MTMR14: variants seen among roughly 807,000 people sequenced by gnomAD.
The protein encoded by MTMR14 is phosphatidylinositol-3,5-bisphosphate 3-phosphatase MTMR14.
A neutral mutation model predicts 86.3 loss-of-function variants in MTMR14; 48 were observed. The observed-to-expected ratio is 0.56, with a 90% CI of 0.44 to 0.71. The LOEUF (loss-of-function observed/expected upper bound fraction) is 0.71. MTMR14 is among the 30% of genes least tolerant of loss of function. The pLI is 0.00. For synonymous variants in MTMR14, 366 were observed against 326.1 expected (o/e 1.12, Z -1.32); for missense variants, 780 against 834.6 (o/e 0.93, Z 0.81).
chr3:9,688,022 C>T (rs982801778), intron 14 of MTMR14, 131 bp downstream of exon 14: 1 of 811,370 alleles, frequency 1.2e-6, no homozygotes, highest in African/African-American at 1.7e-5. Context: ...TCCCTCCTGC[C>T]TTCGCTCTGA....
chr3:9,688,792 A>ACATC, intron 15 of MTMR14, 38 bp downstream of exon 15: 2 of 1,613,244 alleles, frequency 1.2e-6, no homozygotes, highest in South Asian at 2.2e-5. Context: ...CTTCCTCCAT[A>ACATC]CATCTTCCCG....
intron 3 of MTMR14, among the ~76,000 whole-genome samples, chr3:9,664,918 CAT>C (rs1273314746): frequency 1.3e-5 from 2 of 152,078 alleles, no homozygotes; most frequent in African/African-American, 2.4e-5. Context: ...TTGTTTGTAA[CAT>C]AGAGGATAAA....
At chr3:9,683,376 TC>T (rs2075834226) in intron 10 of MTMR14, 132 bp downstream of exon 10, 2 of 829,996 alleles carry the variant, frequency 2.4e-6, no homozygotes, top group South Asian at 1.5e-5. Context: ...TTTGGGGAGT[TC>T]CTAGAATCCC....
intron 7 of MTMR14, among the ~76,000 whole-genome samples, chr3:9,676,450 C>T (rs2075580145): frequency 6.6e-6 from 1 of 152,258 alleles, no homozygotes; most frequent in South Asian, 2.1e-4. Context: ...ACGCTGTGGG[C>T]TGGCACTGTG....
chr3:9,701,820 G>A lies in MTMR14; in HGVS notation c.1800G>A (p.Arg600=). The A allele has an allele frequency of 6.2e-7, 1 of 1,613,792 alleles. No homozygotes were observed. The highest frequency in any genetic ancestry group is 8.5e-7 in the Non-Finnish European group (1 of 1,180,046). ...CAGCCCTGAGTGATCGAGAGACTCG[G>A]CTGCAGGAGGTGCGCTCAGCCTTCT... is the stretch of plus-strand genomic sequence containing the variant. ...LLAALSDRET[R]LQEVRSAFLA... The change falls in exon 19 of 19, where the codon CGG becomes CGA. Residue 600 remains arginine (R), a synonymous_variant. Transcript: ENST00000296003. This position sits in a 1 kb window ranked among gnomAD's most constrained non-coding sequence, Gnocchi z 4.2.
At chr3:9,663,501 CTTTTTTTTTTTTTT>C (rs4021721) in intron 3 of MTMR14, among the ~76,000 whole-genome samples, 1 of 69,964 alleles carries the variant, frequency 1.4e-5, no homozygotes, top group African/African-American at 4.8e-5. Flanking sequence ...GAGTCTCTCT[CTTTTTTTTTTTTTT>C]TTTTTTTTTT....
chr3:9,692,823 C>T (rs554332944), intron 17 of MTMR14, among the ~76,000 whole-genome samples: 2 of 152,236 alleles, frequency 1.3e-5, no homozygotes, highest in Non-Finnish European at 2.9e-5. Context: ...CCACCACCAC[C>T]TGCTAACTGC....
chr3:9,683,655 C>T (rs939725147), intron 10 of MTMR14: 55 of 205,542 alleles, frequency 2.7e-4, no homozygotes, highest in Non-Finnish European at 1.0e-4. Flanking sequence ...CCCAGTTTGG[C>T]TGTTTTGATT....
At chr3:9,663,365 A>T (rs2048047493) in intron 3 of MTMR14, among the ~76,000 whole-genome samples, 1 of 152,162 alleles carries the variant, frequency 6.6e-6, no homozygotes, top group South Asian at 2.1e-4. Flanking sequence ...TTTCTTCTTC[A>T]GATCAGTTTT....
chr3:9,687,399 C>T (rs975976045), intron 13 of MTMR14, among the ~76,000 whole-genome samples: 6 of 151,914 alleles, frequency 3.9e-5, no homozygotes, highest in African/African-American at 1.5e-4. Context: ...AATAAAAATG[C>T]GAACAATGAG....
intron 17 of MTMR14, 87 bp downstream of exon 17, chr3:9,690,230 A>C: frequency 6.9e-7 from 1 of 1,449,116 alleles, no homozygotes; most frequent in Non-Finnish European, 9.5e-7. Context: ...CACCTGAGCT[A>C]GGGTCTCAAG....
Position 9,662,295 on chromosome 3 carries a change from T to G in MTMR14, c.337T>G (p.Leu113Val), listed in dbSNP as rs2047986951. ...TGAGAGTACCGTACAGGTGAGCAAG[T>G]TGCAAGACCTCATCCACCGCAGCAA... The part of the protein sequence containing the change: ...TFESTVQVSK[L>V]QDLIHRSKMA... Residue 113 changes from leucine (L) to valine (V), a missense_variant, in exon 3 of 19, where the codon TTG (leucine) becomes GTG (valine). By Grantham distance (32) the Leu-to-Val change is conservative. Coordinates refer to ENST00000296003, the MANE Select transcript of MTMR14 (RefSeq NM_001077525.3). 1 of 1,613,108 alleles carries G rather than the reference T, an allele frequency of 6.2e-7. No individual in the cohort carries two copies. Among genetic ancestry groups the G allele is most frequent in the Admixed American group, 1.7e-5 (1 of 59,804 alleles).
intron 13 of MTMR14, among the ~76,000 whole-genome samples, 173 bp from the exon 14 acceptor site, chr3:9,687,648 C>T (rs1219643322): frequency 6.6e-6 from 1 of 152,134 alleles, no homozygotes; most frequent in Admixed American, 6.5e-5. Context: ...ATCTGCCAGG[C>T]CCTTCCAAGG....
intron 17 of MTMR14, among the ~76,000 whole-genome samples, chr3:9,692,165 A>C (rs1309390266): frequency 6.6e-6 from 1 of 152,194 alleles, no homozygotes; most frequent in Non-Finnish European, 1.5e-5. Flanking sequence ...TTTGGAAAGA[A>C]ACCTTTTAGT....
In MTMR14 at chr3:9,669,431, G is replaced by C; in HGVS notation, c.494-1G>C. The stretch of plus-strand genomic sequence containing the variant: ...TACTGACAGATAGGTTTCTCTGGCA[G>C]GGGGTGCAGATGATGCCTGGGCAGA... On this transcript the variant is annotated splice_acceptor_variant, in intron 4 of 18. Coordinates refer to ENST00000296003, the MANE Select transcript of MTMR14 (RefSeq NM_001077525.3). LOFTEE classifies it high-confidence loss of function. 6.2e-7 allele frequency: 1 copy of C among 1,613,918 alleles called. No homozygotes were observed. The highest frequency in any genetic ancestry group is 2.2e-5 in the East Asian group (1 of 44,870).
At chr3:9,699,323 C>T (rs2076382742) in intron 18 of MTMR14, 1 of 152,194 alleles carries the variant, frequency 6.6e-6, no homozygotes, top group African/African-American at 2.4e-5. Flanking sequence ...CAACTCCAGC[C>T]CCAGATCACC....
Position 9,688,731 on chromosome 3 carries a change from C to T in MTMR14, c.1271C>T (p.Thr424Ile), listed in dbSNP as rs780833288. 3.1e-6 allele frequency: 5 copies of T among 1,614,076 alleles called. No individual in the cohort carries two copies. The highest frequency in any genetic ancestry group is 3.4e-6 in the Non-Finnish European group (4 of 1,180,050). The change falls in exon 15 of 19, where the codon ACC becomes ATC. Residue 424 changes from threonine to isoleucine, a missense_variant. By Grantham distance (89) the Thr-to-Ile change is moderately conservative (BLOSUM62 -1). Coordinates refer to ENST00000296003, the MANE Select transcript of MTMR14 (RefSeq NM_001077525.3). The stretch of plus-strand genomic sequence containing the variant: ...TTGCCAGCCCGGGATGGAGGCTTCA[C>T]CCTGGAAGACATCTGCATGCTGAGT... ...KSLPARDGGFTLEDICMLRRK... is the reference protein window; with the variant it reads ...KSLPARDGGFILEDICMLRRK...
chr3:9,698,915 T>G (rs575198922), intron 18 of MTMR14, among the ~76,000 whole-genome samples: 102 of 151,774 alleles, frequency 6.7e-4, no homozygotes, highest in African/African-American at 2.3e-3. Flanking sequence ...ACGCCTGTAG[T>G]CCCAGCACTT....
chr3:9,664,442 TTGTGTTAAGAAATGCTTGCTTCCAC>T (rs759184031), intron 3 of MTMR14, among the ~76,000 whole-genome samples: 50 of 150,736 alleles, frequency 3.3e-4, no homozygotes, highest in Non-Finnish European at 5.8e-4. Context: ...AGAGAGAGAG[TTGTGTTAAGAAATGCTTGCTTCCAC>T]TGTGTTAAGA....
Sources: gnomAD v4.1 joint callset for allele counts (sites outside exome capture counted in the v4.1 genomes callset) on GRCh38, gnomAD v4.1.1 for gene constraint, Gnocchi (gnomAD v3.1) non-coding constraint, MANE v1.5 for transcripts, NCBI Gene and HGNC (gene_info 2026-07-23, HGNC 2026-07-21) for gene names.